SEMA3A: variants seen among roughly 807,000 people sequenced by gnomAD.
SEMA3A encodes semaphorin-3A.
Under a neutral mutation model 97.9 loss-of-function variants are expected in SEMA3A, and 29 were observed. The observed-to-expected ratio is 0.30, with a 90% confidence interval of 0.22 to 0.40. The LOEUF (loss-of-function observed/expected upper bound fraction) is 0.40. SEMA3A is among the 10% of genes least tolerant of loss of function. The pLI, the probability that SEMA3A is intolerant of heterozygous loss-of-function variation, is 1.00. For missense variants in SEMA3A, 763 were observed against 951.3 expected (o/e 0.80, Z 2.60); for synonymous variants, 321 against 323.7 (o/e 0.99, Z 0.09).
At chr7:83,996,130 G>A (rs1790206667) in intron 12 of SEMA3A, among the ~76,000 whole-genome samples, 1 of 152,076 alleles carries the variant, frequency 6.6e-6, no homozygotes, top group East Asian at 1.9e-4. Context: ...TGATTGTACT[G>A]GAAAGAAAAT....
At chr7:83,994,791 G>A (rs1409007447) in intron 12 of SEMA3A, among the ~76,000 whole-genome samples, 1 of 151,892 alleles carries the variant, frequency 6.6e-6, no homozygotes, top group African/African-American at 2.4e-5. Context: ...CCTGCCCCCA[G>A]AGGTGGAGCC....
intron 1 of SEMA3A, among the ~76,000 whole-genome samples, chr7:84,443,711 A>C (rs1055490836): frequency 6.6e-6 from 1 of 152,036 alleles, no homozygotes; most frequent in African/African-American, 2.4e-5. Flanking sequence ...TTCTCAAAAC[A>C]CTCTCATAAT....
At chr7:84,247,123 T>C (rs1293854866) in intron 3 of SEMA3A, among the ~76,000 whole-genome samples, 2 of 152,088 alleles carry the variant, frequency 1.3e-5, no homozygotes, top group Non-Finnish European at 2.9e-5. Context: ...CAAGAAGAAT[T>C]ATGAGAAGGT....
chr7:83,974,633 A>G (rs1219883492), intron 15 of SEMA3A, among the ~76,000 whole-genome samples: 2 of 152,148 alleles, frequency 1.3e-5, no homozygotes, highest in East Asian at 1.9e-4. Context: ...TTTACTTTCA[A>G]ATACTGACGT....
intron 3 of SEMA3A, among the ~76,000 whole-genome samples, chr7:84,300,744 A>T (rs980750174): frequency 2.6e-5 from 4 of 152,166 alleles, no homozygotes; most frequent in Admixed American, 6.5e-5. Context: ...GGAACATTGC[A>T]TAGTTATTAA....
rs1788272623 is a variant in SEMA3A, at chr7:83,956,033, A to T, written c.*5338T>A. On this transcript the variant is annotated 3_prime_UTR_variant, in exon 17 of 17. Transcript: ENST00000265362. ...TACAACGGTGGTGCGGGGTTGACAT[A>T]TTCAAGATGAAGGTGGGTCTCATTT... The T allele has an allele frequency of 6.6e-6, 1 of 152,216 alleles. No homozygotes were observed. The highest frequency in any genetic ancestry group is 6.5e-5 in the Admixed American group (1 of 15,276). 9.4% of individuals were successfully genotyped at this position (152,216 alleles called of 1,614,324 possible).
chr7:84,400,916 A>G (rs1803883159), intron 1 of SEMA3A, among the ~76,000 whole-genome samples: 1 of 152,198 alleles, frequency 6.6e-6, no homozygotes. Context: ...CTAGCATCAC[A>G]CTGAATTGGG....
At chr7:84,474,912 TA>T (rs35614344) in intron 1 of SEMA3A, among the ~76,000 whole-genome samples, 5,188 of 147,974 alleles carry the variant, frequency 0.035, 140 homozygotes, top group Non-Finnish European at 0.056. Flanking sequence ...ATTAGAGGTT[TA>T]AAAAAAAAAG....
At chr7:84,116,641 A>C (rs1315873878) in intron 3 of SEMA3A, among the ~76,000 whole-genome samples, 1 of 152,138 alleles carries the variant, frequency 6.6e-6, no homozygotes, top group Admixed American at 6.6e-5. Flanking sequence ...CCTAATCCAA[A>C]CTGGCTGGTG....
chr7:84,036,923 G>A (rs1471274121), intron 6 of SEMA3A, among the ~76,000 whole-genome samples: 2 of 151,898 alleles, frequency 1.3e-5, no homozygotes, highest in East Asian at 3.9e-4. Flanking sequence ...ATAAAATTGA[G>A]AGTTAAACCT....
chr7:83,979,232 C>A (rs1037804447), intron 14 of SEMA3A, among the ~76,000 whole-genome samples: 6 of 150,904 alleles, frequency 4.0e-5, no homozygotes, highest in African/African-American at 1.5e-4. Flanking sequence ...CTCCTGGGTT[C>A]AAGCAATTCT....
chr7:84,455,025 G>T (rs1805654442), intron 1 of SEMA3A, among the ~76,000 whole-genome samples: 1 of 151,880 alleles, frequency 6.6e-6, no homozygotes, highest in Admixed American at 6.6e-5. Flanking sequence ...GGTCACATTG[G>T]TAGGTCAATA....
At chr7:84,094,402 T>C (rs1794690098) in intron 4 of SEMA3A, among the ~76,000 whole-genome samples, 1 of 152,146 alleles carries the variant, frequency 6.6e-6, no homozygotes, top group South Asian at 2.1e-4. Flanking sequence ...AAAGTACGTA[T>C]ATTTTCAATA....
At position 84,103,712 on chromosome 7, in the gene SEMA3A, C is replaced by A. The variant is rs536183536; in HGVS notation, c.453+6758G>T. On this transcript the variant is annotated intron_variant, in intron 4 of 16. Transcript: ENST00000265362. The stretch of plus-strand genomic sequence containing the variant: ...TGGTTTTAAAATGAAGTTATTTACA[C>A]AAGGAGACAAAGAGGTAAAAAATGA... Among the ~76,000 whole-genome samples the A allele has an allele frequency of 4.6e-5, 7 of 151,446 alleles. No homozygotes were observed. In the South Asian group the frequency reaches 1.5e-3, roughly 32 times the overall value.
chr7:84,250,311 A>C (rs555204308), intron 3 of SEMA3A, among the ~76,000 whole-genome samples: 1 of 152,068 alleles, frequency 6.6e-6, no homozygotes, highest in Admixed American at 6.6e-5. Flanking sequence ...AAAAAGTAAC[A>C]TTTAACTGTT....
intron 1 of SEMA3A, among the ~76,000 whole-genome samples, chr7:84,428,005 C>A (rs1391274664): frequency 6.6e-6 from 1 of 152,006 alleles, no homozygotes; most frequent in Non-Finnish European, 1.5e-5. Context: ...TATTTAGCTT[C>A]TTTAATGTCT....
intron 3 of SEMA3A, among the ~76,000 whole-genome samples, chr7:84,271,230 C>T (rs2115703500): frequency 6.6e-6 from 1 of 152,088 alleles, no homozygotes; most frequent in East Asian, 1.9e-4. Flanking sequence ...CTCTGTCACC[C>T]AGGCCAGAGT....
intron 2 of SEMA3A, among the ~76,000 whole-genome samples, chr7:84,320,941 C>A (rs1007166343): frequency 6.6e-6 from 1 of 152,046 alleles, no homozygotes; most frequent in Admixed American, 6.5e-5. Flanking sequence ...ATGTTTGACT[C>A]ACTGGTGTGT....
rs113123670 is a variant in SEMA3A at position 83,997,798 on chromosome 7, G to A, written c.1452+4157C>T. 4.3e-4 allele frequency among the ~76,000 whole-genome samples: 64 copies of A among 150,520 alleles called. 1 individual carries two copies. Among genetic ancestry groups the A allele is most frequent in the African/African-American group, 1.3e-3 (54 of 40,898 alleles). ...ATCATCAGGGCTGGAGTGCAGTGGC[G>A]CAATCTTGGCTCACTGCAACCTCCA... On this transcript the variant is annotated intron_variant, in intron 12 of 16. Transcript: ENST00000265362.
Sources: gnomAD v4.1 joint callset for allele counts (sites outside exome capture counted in the v4.1 genomes callset) on GRCh38, gnomAD v4.1.1 for gene constraint, MANE v1.5 for transcripts, NCBI Gene and HGNC (gene_info 2026-07-23, HGNC 2026-07-21) for gene names.